The following MYH9 variants were observed in gnomAD, a reference collection of about 807,000 sequenced individuals.
MYH9 encodes myosin heavy chain 9.
MYH9 carries 29 observed loss-of-function variants against 241.9 expected under a neutral mutation model. That is an observed-to-expected ratio of 0.12 (90% confidence interval 0.09 to 0.16). MYH9 has a LOEUF of 0.16. MYH9 is among the 10% of genes least tolerant of loss of function. MYH9 has a pLI of 1.00. For missense variants in MYH9, 1,803 were observed against 2,595.5 expected (o/e 0.69, Z 6.63); for synonymous variants, 1,047 against 1,062.6 (o/e 0.99, Z 0.29).
rs772285227 is a variant in MYH9 at position 36,295,480 on chromosome 22, C to T, written c.3485+25G>A. ...GCCCCCCTGGCTGCCCTCCCCATCC[C>T]GAGGGACTTGGTCCCAGGGCACACC... is the stretch of plus-strand genomic sequence containing the variant. On this transcript the variant is annotated intron_variant, in intron 26 of 40. Transcript: ENST00000216181. This position sits in a 1 kb window ranked among gnomAD's most constrained non-coding sequence, Gnocchi z 4.1. 18 of 1,605,996 alleles carry T rather than the reference C, an allele frequency of 1.1e-5. No homozygotes were observed. Among genetic ancestry groups the T allele is most frequent in the Middle Eastern group, 2.2e-4 (1 of 4,632 alleles).
intron 1 of MYH9, among the ~76,000 whole-genome samples, chr22:36,366,918 G>C (rs1395285128): frequency 1.3e-5 from 2 of 151,172 alleles, no homozygotes; most frequent in Non-Finnish European, 2.9e-5. Context: ...GGCTGCATCC[G>C]TTATGCGACA....
At chr22:36,348,237 G>A (rs141173720) in intron 2 of MYH9, among the ~76,000 whole-genome samples, 4,566 of 150,830 alleles carry the variant, frequency 0.03, 225 homozygotes, top group African/African-American at 0.1. Flanking sequence ...GGCCAGGTGC[G>A]GTGGCTCGCG....
intron 10 of MYH9, among the ~76,000 whole-genome samples, 177 bp downstream of exon 10, chr22:36,319,363 G>C (rs1166855957): frequency 6.6e-6 from 1 of 151,892 alleles, no homozygotes; most frequent in East Asian, 1.9e-4. Context: ...ATGCTTACTT[G>C]GTGAGAAAAA....
At position 36,295,965 on chromosome 22, in the gene MYH9, A is replaced by G. The variant is rs1437727703; in HGVS notation, c.3273-248T>C. On this transcript the variant is annotated intron_variant, in intron 25 of 40. Transcript: ENST00000216181. The surrounding 1 kb of genome is among the most constrained non-coding windows in gnomAD (Gnocchi z 4.1). ...TCCAAAGTAAGATTCACTGCTTCAAATATTTTTAAAAGTCAAATGATGTGT... is the reference window on the plus strand; with the variant it reads ...TCCAAAGTAAGATTCACTGCTTCAAGTATTTTTAAAAGTCAAATGATGTGT... Among the ~76,000 whole-genome samples, 3 of 152,240 alleles carry G rather than the reference A, an allele frequency of 2.0e-5. No individual in the cohort carries two copies. Among genetic ancestry groups the G allele is most frequent in the African/African-American group, 7.2e-5 (3 of 41,454 alleles).
intron 1 of MYH9, among the ~76,000 whole-genome samples, chr22:36,381,085 T>C (rs1331302536): frequency 6.6e-6 from 1 of 152,130 alleles, no homozygotes; most frequent in African/African-American, 2.4e-5. Flanking sequence ...CCTCTTACCT[T>C]GTAAAAGGTA....
intron 31 of MYH9, among the ~76,000 whole-genome samples, chr22:36,291,622 T>A (rs1310774826): frequency 1.4e-5 from 2 of 143,236 alleles, no homozygotes; most frequent in African/African-American, 5.3e-5. Flanking sequence ...TCCACTATTG[T>A]CCTATGACCC....
At chr22:36,303,238 C>T (rs945485710) in intron 19 of MYH9, among the ~76,000 whole-genome samples, 1 of 152,008 alleles carries the variant, frequency 6.6e-6, no homozygotes, top group Non-Finnish European at 1.5e-5. Flanking sequence ...CACAAGGGGA[C>T]GAGTGTGCAG....
intron 2 of MYH9, among the ~76,000 whole-genome samples, chr22:36,347,353 T>A (rs1018363823): frequency 6.6e-6 from 1 of 150,530 alleles, no homozygotes; most frequent in Non-Finnish European, 1.5e-5. Context: ...CTGGACAGAG[T>A]CCCAGAGCAA....
At chr22:36,349,305 C>T (rs1174837576) in intron 1 of MYH9, 50 bp from the exon 2 acceptor site, 2 of 1,371,522 alleles carry the variant, frequency 1.5e-6, no homozygotes, top group East Asian at 2.3e-5. Flanking sequence ...ACGTCAGCCA[C>T]ACAAGATCAC....
At chr22:36,350,154 C>T (rs759941308) in intron 1 of MYH9, among the ~76,000 whole-genome samples, 13 of 152,220 alleles carry the variant, frequency 8.5e-5, no homozygotes, top group Non-Finnish European at 1.5e-4. Flanking sequence ...TTTGGGGACA[C>T]TAAGGTCAAA....
chr22:36,380,058 CA>C (rs2146426277), intron 1 of MYH9, among the ~76,000 whole-genome samples: 1 of 152,334 alleles, frequency 6.6e-6, no homozygotes, highest in South Asian at 2.1e-4. Flanking sequence ...CCCGCCCATG[CA>C]GTGGCGGTCC....
rs902989385 is a variant in MYH9 at position 36,288,799 on chromosome 22, C to T, written c.4698G>A (p.Lys1566=). ...LRLEVNLQAM[K]AQFERDLQGR... is the part of the protein sequence containing the mutation. ...CCTGCAGGTCCCGCTCGAACTGGGCCTTCATGGCCTGCAGGTTGACCTCCA... is the reference window on the plus strand; with the variant it reads ...CCTGCAGGTCCCGCTCGAACTGGGCTTTCATGGCCTGCAGGTTGACCTCCA... The change falls in exon 33 of 41, where the codon AAG becomes AAA. Residue 1566 remains lysine, a synonymous_variant. Coordinates refer to ENST00000216181, the MANE Select transcript of MYH9 (RefSeq NM_002473.6). The surrounding 1 kb of genome is among the most constrained non-coding windows in gnomAD (Gnocchi z 4.8). 9.9e-6 allele frequency: 16 copies of T among 1,612,842 alleles called. No homozygotes were observed. In the African/African-American group the frequency reaches 1.7e-4, roughly 17 times the overall value.
chr22:36,325,211 T>C (rs2017316700), intron 5 of MYH9: 1 of 676,790 alleles, frequency 1.5e-6, no homozygotes, highest in Non-Finnish European at 2.7e-6. Flanking sequence ...AAAGAAACTG[T>C]ATTAGTTTCT....
At chr22:36,308,683 G>T in intron 15 of MYH9, 1 of 377,426 alleles carries the variant, frequency 2.6e-6, no homozygotes, top group Non-Finnish European at 3.6e-6. Context: ...ATCAGGGAAC[G>T]GGGGTGTAAG....
intron 1 of MYH9, among the ~76,000 whole-genome samples, chr22:36,375,689 A>C (rs2018155355): frequency 6.6e-6 from 1 of 152,166 alleles, no homozygotes; most frequent in East Asian, 1.9e-4. Context: ...TATGGAAACC[A>C]GGGAAGAATT....
chr22:36,313,451 CAAAAAAA>C (rs57101170), intron 13 of MYH9, among the ~76,000 whole-genome samples: 2 of 52,930 alleles, frequency 3.8e-5, no homozygotes, highest in East Asian at 4.1e-4. Flanking sequence ...GACTCCGTCT[CAAAAAAA>C]AAAAAAAAAA....
chr22:36,333,301 C>T (rs1391392637), intron 3 of MYH9, among the ~76,000 whole-genome samples: 1 of 152,198 alleles, frequency 6.6e-6, no homozygotes, highest in Non-Finnish European at 1.5e-5. Flanking sequence ...CTCGGAGGAG[C>T]GGTCGGTAGA....
At position 36,320,784 on chromosome 22, in the gene MYH9, G is replaced by A. The variant is rs769515479; in HGVS notation, c.868+14C>T. The A allele has an allele frequency of 2.1e-5, 33 of 1,606,460 alleles. No individual in the cohort carries two copies. Among genetic ancestry groups the A allele is most frequent in the African/African-American group, 8.0e-5 (6 of 74,748 alleles). On this transcript the variant is annotated intron_variant, in intron 8 of 40. Transcript: ENST00000216181. The surrounding 1 kb of genome is among the most constrained non-coding windows in gnomAD (Gnocchi z 4.8). ...CCGGCAGCCCCGGTGTCAGGCTGCA[G>A]GCCAACTACTCACTCTTCAGGTGCT...
chr22:36,328,916 C>T (rs1306085406), intron 3 of MYH9: 1 of 152,364 alleles, frequency 6.6e-6, no homozygotes, highest in African/African-American at 2.4e-5. Context: ...CCAGTAGCCA[C>T]CGACCAGCTA....
Sources: allele counts gnomAD v4.1 joint callset (sites outside exome capture counted in the v4.1 genomes callset), GRCh38; gene constraint gnomAD v4.1.1; non-coding constraint Gnocchi (gnomAD v3.1); transcripts MANE v1.5; gene names NCBI Gene and HGNC (gene_info 2026-07-23, HGNC 2026-07-21).